Variants in SLC38A4 observed in about 807,000 individuals in gnomAD.
SLC38A4 encodes solute carrier family 38 member 4.
Under a neutral mutation model 63.1 loss-of-function variants are expected in SLC38A4, and 20 were observed. The ratio of observed to expected loss-of-function variants is 0.32; its 90% confidence interval spans 0.22 to 0.46. The LOEUF (loss-of-function observed/expected upper bound fraction) is 0.46, where lower values mean the gene tolerates loss of function less well. Ranked by LOEUF, SLC38A4 falls within the 20% of genes least tolerant of loss-of-function variation. SLC38A4 has a pLI of 1.00. For synonymous variants in SLC38A4, 230 were observed against 225.5 expected, an observed-to-expected ratio of 1.02 and a Z score of -0.18; for missense variants, 526 against 663.6, an observed-to-expected ratio of 0.79 and a Z score of 2.28.
intron 14 of SLC38A4, among the ~76,000 whole-genome samples, chr12:46,773,690 G>T (rs1340930490): frequency 3.9e-5 from 6 of 152,026 alleles, no homozygotes; most frequent in African/African-American, 7.2e-5. Context: ...GACAATAATT[G>T]CAGCCCTCAG....
chr12:46,765,906 G>T lies in SLC38A4; in HGVS notation c.*795C>A, dbSNP rs1938287992. The T allele has an allele frequency of 6.4e-6, 1 of 157,328 alleles. No individual in the cohort carries two copies. The highest frequency in any genetic ancestry group is 1.4e-5 in the Non-Finnish European group (1 of 71,048). The allele number at this position is 157,328 out of a possible 1,614,324, so 9.7% of individuals were successfully genotyped here. ...GGGAGAGCATTGTTCAATGACAAAA[G>T]TATGACAAGAGGATTTAGGAATAAC... On this transcript the variant is annotated 3_prime_UTR_variant, in exon 17 of 17. Coordinates refer to ENST00000266579, the MANE Select transcript of SLC38A4 (RefSeq NM_018018.5).
intron 1 of SLC38A4, among the ~76,000 whole-genome samples, chr12:46,817,935 A>T (rs939035599): frequency 6.6e-6 from 1 of 151,980 alleles, no homozygotes; most frequent in Admixed American, 6.6e-5. Flanking sequence ...TTCTTTAAAA[A>T]TATTTTCTAG....
At chr12:46,782,909 C>T (rs1459655131) in intron 7 of SLC38A4, among the ~76,000 whole-genome samples, 1 of 145,036 alleles carries the variant, frequency 6.9e-6, no homozygotes, top group Admixed American at 7.1e-5. Flanking sequence ...TTAAAATATC[C>T]TTTAGAAAAC....
At chr12:46,815,414 C>G (rs576788734) in intron 1 of SLC38A4, among the ~76,000 whole-genome samples, 43 of 151,540 alleles carry the variant, frequency 2.8e-4, no homozygotes, top group African/African-American at 1.0e-3. Flanking sequence ...TTCCCTTCCT[C>G]TCTTCCATCC....
intron 1 of SLC38A4, among the ~76,000 whole-genome samples, chr12:46,813,482 CA>C (rs1939379098): frequency 6.6e-6 from 1 of 151,988 alleles, no homozygotes; most frequent in African/African-American, 2.4e-5. Flanking sequence ...ATCCAATCCC[CA>C]CTCTGCTGCC....
chr12:46,792,383 A>G (rs1279551005), intron 3 of SLC38A4, among the ~76,000 whole-genome samples: 1 of 152,126 alleles, frequency 6.6e-6, no homozygotes, highest in South Asian at 2.1e-4. Flanking sequence ...GATGGGGATT[A>G]CTAGAGGAGG....
At chr12:46,772,339 A>G (rs1441051245) in intron 14 of SLC38A4, among the ~76,000 whole-genome samples, 1 of 152,112 alleles carries the variant, frequency 6.6e-6, no homozygotes, top group Non-Finnish European at 1.5e-5. Context: ...GACTGATTTT[A>G]ATTATAAGAT....
In SLC38A4 at chr12:46,778,719, C is replaced by T. The variant is rs773346866; in HGVS notation, c.775G>A (p.Gly259Arg). The T allele has an allele frequency of 1.9e-6, 3 of 1,612,466 alleles. No individual in the cohort carries two copies. In the African/African-American group the frequency reaches 4.0e-5, roughly 22 times the overall value. ...CPLPVLDHSV[G>R]NLSFNNTLPM... is the part of the protein sequence containing the mutation. ...AGCGTGTTGTTGAATGACAGATTTCCAACACTGTGATCCAAAACAGGTAGA... is the reference window on the plus strand; with the variant it reads ...AGCGTGTTGTTGAATGACAGATTTCTAACACTGTGATCCAAAACAGGTAGA... Residue 259 changes from glycine (G) to arginine (R), a missense_variant, in exon 11 of 17, where the codon GGA becomes AGA. Transcript: ENST00000266579.
Position 46,769,216 on chromosome 12 carries a change from G to A in SLC38A4, c.1444+68C>T. 1.9e-6 allele frequency: 3 copies of A among 1,562,336 alleles called. No homozygotes were observed. The Admixed American group carries it at 5.0e-5, about 26-fold the overall frequency. Reference sequence around the variant, plus strand: ...CGGGGATCTGGATGACCCAGCACTGGTTCCCTGTCCATCATTTAATGAGGC... The same window carrying A: ...CGGGGATCTGGATGACCCAGCACTGATTCCCTGTCCATCATTTAATGAGGC... On this transcript the variant is annotated intron_variant, in intron 15 of 16. Transcript: ENST00000266579.
chr12:46,779,587 GGATCAT>G lies in SLC38A4; in HGVS notation c.717+18_717+23del. ...AAAACTCATGCTAACCAACCTGCAA[GGATCAT>G]GTCATCACATCACTTACCACACTAA... On this transcript the variant is annotated intron_variant, in intron 10 of 16. Coordinates refer to ENST00000266579, the MANE Select transcript of SLC38A4 (RefSeq NM_018018.5). 6.3e-7 allele frequency: 1 copy of G among 1,581,700 alleles called. No individual in the cohort carries two copies. The highest frequency in any genetic ancestry group is 2.0e-5 in the Admixed American group (1 of 51,240).
At chr12:46,769,723 C>T (rs1256003065) in intron 14 of SLC38A4, among the ~76,000 whole-genome samples, 1 of 152,002 alleles carries the variant, frequency 6.6e-6, no homozygotes, top group African/African-American at 2.4e-5. Context: ...TTTACAGTAG[C>T]TTTTCTACGT....
At chr12:46,814,774 A>T (rs1007830469) in intron 1 of SLC38A4, among the ~76,000 whole-genome samples, 1 of 151,950 alleles carries the variant, frequency 6.6e-6, no homozygotes, top group African/African-American at 2.4e-5. Context: ...CAAACAAGAC[A>T]ACATGCTTGT....
intron 6 of SLC38A4, 79 bp from the exon 7 acceptor site, chr12:46,784,713 G>A: frequency 8.9e-7 from 1 of 1,121,744 alleles, no homozygotes; most frequent in Non-Finnish European, 1.3e-6. Context: ...ATTCCATGCT[G>A]GAGTCTCAAA....
At chr12:46,797,179 A>G (rs1939027443) in intron 2 of SLC38A4, among the ~76,000 whole-genome samples, 1 of 152,138 alleles carries the variant, frequency 6.6e-6, no homozygotes, top group Non-Finnish European at 1.5e-5. Flanking sequence ...TTAATTTTAT[A>G]TGTCATTGTG....
intron 1 of SLC38A4, among the ~76,000 whole-genome samples, chr12:46,818,169 T>C (rs1939477075): frequency 6.6e-6 from 1 of 151,888 alleles, no homozygotes; most frequent in Admixed American, 6.6e-5. Flanking sequence ...TTGTTTGTTA[T>C]GAGATAATCC....
rs1938293929 is a variant in SLC38A4 at position 46,766,131 on chromosome 12, G to T, written c.*570C>A. 4.8e-6 allele frequency: 1 copy of T among 209,606 alleles called. No homozygotes were observed. The highest frequency in any genetic ancestry group is 1.8e-3 in the Middle Eastern group (1 of 550). The allele number at this position is 209,606 out of a possible 1,614,324, so 13.0% of individuals were successfully genotyped here. ...AACAGGGTGGGCAAAATATTATTTTGCTGTTGACAATAAGATGCTCTAGAC... is the reference window on the plus strand; with the variant it reads ...AACAGGGTGGGCAAAATATTATTTTTCTGTTGACAATAAGATGCTCTAGAC... On this transcript the variant is annotated 3_prime_UTR_variant, in exon 17 of 17. Transcript: ENST00000266579.
chr12:46,766,866 T>C, intron 16 of SLC38A4, 64 bp from the exon 17 acceptor site: 1 of 1,144,152 alleles, frequency 8.7e-7, no homozygotes, highest in Non-Finnish European at 1.3e-6. Flanking sequence ...TGTTTTTTAG[T>C]TGTTTACATA....
chr12:46,827,602 T>C (rs1939676634), upstream of SLC38A4, among the ~76,000 whole-genome samples: 1 of 152,098 alleles, frequency 6.6e-6, no homozygotes, highest in Non-Finnish European at 1.5e-5. Flanking sequence ...TGCTATAATA[T>C]ACTAAAATGA....
chr12:46,782,241 G>T (rs2120790699), intron 7 of SLC38A4, among the ~76,000 whole-genome samples: 1 of 152,038 alleles, frequency 6.6e-6, no homozygotes, highest in Admixed American at 6.6e-5. Flanking sequence ...AAAATGGGTT[G>T]CCTGTTTGCA....
Sources: allele counts gnomAD v4.1 joint callset (sites outside exome capture counted in the v4.1 genomes callset), GRCh38; gene constraint gnomAD v4.1.1; transcripts MANE v1.5; gene names NCBI Gene and HGNC (gene_info 2026-07-23, HGNC 2026-07-21).